The following CEP295 variants were observed in gnomAD, a reference collection of about 807,000 sequenced individuals.
CEP295 encodes centrosomal protein 295, also known as centrosomal protein of 295 kDa.
In CEP295, 190 loss-of-function variants were observed where a neutral mutation model predicts 291.6. The ratio of observed to expected loss-of-function variants is 0.65; its 90% confidence interval spans 0.58 to 0.73. The LOEUF (loss-of-function observed/expected upper bound fraction) is 0.73. CEP295 is among the 30% of genes least tolerant of loss of function. The pLI is 0.00. For synonymous variants in CEP295, 993 were observed against 1,038.8 expected (o/e 0.96, Z 0.85); for missense variants, 2,863 against 2,949.4 (o/e 0.97, Z 0.68).
chr11:93,666,914 C>G (rs545630047), intron 2 of CEP295, 99 bp downstream of exon 2: 1 of 679,598 alleles, frequency 1.5e-6, no homozygotes, highest in African/African-American at 1.8e-5. Context: ...TTAAAAACCT[C>G]TTCTGGGTAT....
At position 93,699,729 on chromosome 11, in the gene CEP295, A is replaced by G. The variant is rs1952036808; in HGVS notation, c.4817A>G (p.Gln1606Arg). ...ILPQQDNMTA[Q>R]LDAQREVMYS... ...CCTCAGCAAGATAATATGACAGCAC[A>G]ATTGGATGCACAAAGGGAAGTGATG... The change falls in exon 15 of 30, where the codon CAA becomes CGA. Residue 1606 changes from glutamine to arginine, a missense_variant. Gln to Arg is a conservative substitution (Grantham distance 43, BLOSUM62 1). This residue lies in a region of CEP295 where 2,295 missense variants were observed against 2,335.7 expected (regional missense o/e 0.98). Coordinates refer to ENST00000325212, the MANE Select transcript of CEP295 (RefSeq NM_033395.2). The G allele has an allele frequency of 6.4e-7, 1 of 1,551,754 alleles. No individual in the cohort carries two copies. The highest frequency in any genetic ancestry group is 2.0e-5 in the Admixed American group (1 of 50,984).
Position 93,725,799 on chromosome 11 carries a change from C to A in CEP295, c.6467C>A (p.Ala2156Asp), listed in dbSNP as rs549683706. The A allele has an allele frequency of 3.9e-6, 6 of 1,551,136 alleles. No individual in the cohort carries two copies. In the South Asian group the frequency reaches 7.2e-5, roughly 18 times the overall value. ...GACACTAACTTGGCTCATGTTGGAG[C>A]TCACAGTTTTGCTACAGAAAATATT... is the stretch of plus-strand genomic sequence containing the variant. ...QPDTNLAHVG[A>D]HSFATENIIG... The change falls in exon 23 of 30, where the codon GCT becomes GAT. Residue 2156 changes from alanine to aspartate, a missense_variant. Ala to Asp is a moderately radical substitution (Grantham distance 126). This residue lies in a region of CEP295 where 2,295 missense variants were observed against 2,335.7 expected (regional missense o/e 0.98). Transcript: ENST00000325212.
In CEP295 at chr11:93,699,055, T is replaced by G. The variant is rs921433236; in HGVS notation, c.4143T>G (p.Ser1381Arg). ...GGGAAGAATTACTTTTACATCAGAG[T>G]GAATGGGAGGGAAGAATATCTCCCG... ...EAREELLLHQ[S>R]EWEGRISPEQ... Residue 1381 changes from serine (S) to arginine (R), a missense_variant, in exon 15 of 30, where the codon AGT becomes AGG. Physicochemically the swap from Ser to Arg is moderately radical, Grantham distance 110. Coordinates refer to ENST00000325212, the MANE Select transcript of CEP295 (RefSeq NM_033395.2). The G allele has an allele frequency of 7.1e-6, 11 of 1,546,062 alleles. No homozygotes were observed. In the African/African-American group the frequency reaches 1.2e-4, roughly 17 times the overall value.
In CEP295 at chr11:93,730,308, AT is replaced by A. The variant is rs746851098; in HGVS notation, c.*40del. On this transcript the variant is annotated 3_prime_UTR_variant, in exon 30 of 30. Coordinates refer to ENST00000325212, the MANE Select transcript of CEP295 (RefSeq NM_033395.2). ...GTGTAAAGGTTTTTTAATTGTGTAT[AT>A]GTAGCATTAGACAAAATTATTTAAA... 5.1e-6 allele frequency: 7 copies of A among 1,360,462 alleles called. No homozygotes were observed. The East Asian group carries it at 1.5e-4, about 29-fold the overall frequency. 84.3% of individuals were successfully genotyped at this position (1,360,462 alleles called of 1,614,324 possible).
intron 22 of CEP295, among the ~76,000 whole-genome samples, chr11:93,724,942 T>C (rs112654459): frequency 7.9e-5 from 12 of 152,258 alleles, no homozygotes; most frequent in African/African-American, 2.4e-4. Flanking sequence ...GTGATTCTAA[T>C]GTGGAACCAA....
intron 22 of CEP295, 21 bp from the exon 23 acceptor site, chr11:93,725,630 T>C: frequency 6.6e-7 from 1 of 1,526,616 alleles, no homozygotes; most frequent in Non-Finnish European, 8.8e-7. Context: ...ATTTCAGCCT[T>C]TCCCTTTTGT....
chr11:93,693,754 A>AAAAAAAAG lies in CEP295; in HGVS notation c.1534-1721_1534-1714dup, dbSNP rs576663160. Among the ~76,000 whole-genome samples the AAAAAAAAG allele has an allele frequency of 9.9e-5, 15 of 152,148 alleles. No individual in the cohort carries two copies. In the East Asian group the frequency reaches 2.3e-3, roughly 23 times the overall value. ...GGGCGACAAGAGCGAAACTATCTCA[A>AAAAAAAAG]AAAAAAAGAAAAAAAGAAAAAAAGA... is the stretch of plus-strand genomic sequence containing the variant. On this transcript the variant is annotated intron_variant, in intron 12 of 29. Transcript: ENST00000325212.
intron 7 of CEP295, among the ~76,000 whole-genome samples, chr11:93,679,860 A>G (rs1488553364): frequency 6.6e-6 from 1 of 152,238 alleles, no homozygotes; most frequent in Non-Finnish European, 1.5e-5. Context: ...TCAATAGCAT[A>G]TGTGCTCTAT....
chr11:93,724,316 G>C lies in CEP295; in HGVS notation c.6259G>C (p.Asp2087His). 1 of 1,550,492 alleles carries C rather than the reference G, an allele frequency of 6.4e-7. No individual in the cohort carries two copies. Among genetic ancestry groups the C allele is most frequent in the Non-Finnish European group, 8.7e-7 (1 of 1,145,972 alleles). The change falls in exon 22 of 30, where the codon GAT (aspartate) becomes CAT (histidine). Residue 2087 changes from aspartate (D) to histidine (H), a missense_variant. By Grantham distance (81) the Asp-to-His change is moderately conservative. This residue lies in a region of CEP295 where 2,295 missense variants were observed against 2,335.7 expected (regional missense o/e 0.98). Transcript: ENST00000325212. Reference protein sequence around the residue: ...QLFKPLEPHPDFDLSSSSSGI... With the variant: ...QLFKPLEPHPHFDLSSSSSGI... The stretch of plus-strand genomic sequence containing the variant: ...GTTTAAACCCTTAGAACCACATCCA[G>C]ATTTTGACTTATCATCATCATCCTC...
intron 8 of CEP295, 97 bp downstream of exon 8, chr11:93,683,839 TTC>T: frequency 1.4e-6 from 2 of 1,433,478 alleles, no homozygotes; most frequent in Non-Finnish European, 9.4e-7. Flanking sequence ...TTGAAATGAG[TTC>T]TCTGTTTGAA....
At chr11:93,726,200 G>A (rs1954123298) in intron 23 of CEP295, among the ~76,000 whole-genome samples, 1 of 151,998 alleles carries the variant, frequency 6.6e-6, no homozygotes, top group African/African-American at 2.4e-5. Context: ...GTGCAATCTT[G>A]GCTCACTGCA....
chr11:93,677,570 T>C (rs1371775303), intron 6 of CEP295, among the ~76,000 whole-genome samples: 1 of 152,168 alleles, frequency 6.6e-6, no homozygotes, highest in Non-Finnish European at 1.5e-5. Flanking sequence ...CGCTTAAAAG[T>C]CCTACATTAC....
chr11:93,662,174 C>T (rs1950022190), intron 1 of CEP295, among the ~76,000 whole-genome samples: 1 of 152,236 alleles, frequency 6.6e-6, no homozygotes, highest in Non-Finnish European at 1.5e-5. Flanking sequence ...AAAGAGCACG[C>T]TCTCTTTTGG....
Position 93,668,848 on chromosome 11 carries a change from GGAAAA to G in CEP295, c.357_361del (p.Arg119SerfsTer6). 6.6e-7 allele frequency: 1 copy of G among 1,524,424 alleles called. No homozygotes were observed. The highest frequency in any genetic ancestry group is 8.8e-7 in the Non-Finnish European group (1 of 1,133,312). The allele number at this position is 1,524,424 out of a possible 1,614,324, so 94.4% of individuals were successfully genotyped here. Reference sequence around the variant, plus strand: ...GCTTTGGCACAGCGGGCAGCAGAAAGGAAAAGAAAAGCAGATTTGAGGCATAAAGA... The same window carrying G: ...GCTTTGGCACAGCGGGCAGCAGAAAGGAAAAGCAGATTTGAGGCATAAAGA... On this transcript the variant is annotated frameshift_variant, in exon 4 of 30. Coordinates refer to ENST00000325212, the MANE Select transcript of CEP295 (RefSeq NM_033395.2). LOFTEE classifies it high-confidence loss of function.
chr11:93,675,436 T>A, intron 5 of CEP295, 135 bp from the exon 6 acceptor site: 1 of 452,296 alleles, frequency 2.2e-6, no homozygotes, highest in Admixed American at 4.4e-5. Context: ...AAATTTGATT[T>A]CATTATGAGC....
chr11:93,670,595 C>G (rs1394497258), intron 5 of CEP295, among the ~76,000 whole-genome samples: 1 of 152,094 alleles, frequency 6.6e-6, no homozygotes, highest in Non-Finnish European at 1.5e-5. Flanking sequence ...ACCAGATACT[C>G]ACTTCTTAGG....
chr11:93,691,734 A>G lies in CEP295; in HGVS notation c.1388A>G (p.Asp463Gly). 6.5e-7 allele frequency: 1 copy of G among 1,547,548 alleles called. No individual in the cohort carries two copies. Among genetic ancestry groups the G allele is most frequent in the Non-Finnish European group, 8.7e-7 (1 of 1,145,526 alleles). Residue 463 changes from aspartate to glycine, a missense_variant, in exon 11 of 30, where the codon GAT (aspartate) becomes GGT (glycine). Transcript: ENST00000325212. Reference sequence around the variant, plus strand: ...GAGTCTGGACCACTTGCTAGTGAAGATAAACCACTTTCGTGTGGTACAAAC... The same window carrying G: ...GAGTCTGGACCACTTGCTAGTGAAGGTAAACCACTTTCGTGTGGTACAAAC... ...TIESGPLASE[D>G]KPLSCGTNSG...
At position 93,727,505 on chromosome 11, in the gene CEP295, A is replaced by T; in HGVS notation, c.7029A>T (p.Gln2343His). 6.4e-7 allele frequency: 1 copy of T among 1,551,868 alleles called. No homozygotes were observed. Among genetic ancestry groups the T allele is most frequent in the Non-Finnish European group, 8.7e-7 (1 of 1,147,004 alleles). Reference protein sequence around the residue: ...SIQAPYSLTTQNEKYFENSAE... With the variant: ...SIQAPYSLTTHNEKYFENSAE... ...AGGCACCATATTCCTTAACTACTCAAAATGAAAAATATTTTGAGAATTCAG... is the reference window on the plus strand; with the variant it reads ...AGGCACCATATTCCTTAACTACTCATAATGAAAAATATTTTGAGAATTCAG... Residue 2343 changes from glutamine (Q) to histidine (H), a missense_variant, in exon 24 of 30, where the codon CAA becomes CAT. Transcript: ENST00000325212.
Position 93,728,346 on chromosome 11 carries a change from A to G in CEP295, c.7162-335A>G, listed in dbSNP as rs550285780. On this transcript the variant is annotated intron_variant, in intron 24 of 29. Coordinates refer to ENST00000325212, the MANE Select transcript of CEP295 (RefSeq NM_033395.2). ...AGCCCAGTCGACCCCTGCTCCCTTT[A>G]AAGGATACAATTCGGCACAGCCAAC... 9.8e-5 allele frequency: 18 copies of G among 183,568 alleles called. No homozygotes were observed. In the South Asian group the frequency reaches 2.6e-3, roughly 27 times the overall value. The allele number at this position is 183,568 out of a possible 1,614,324, so 11.4% of individuals were successfully genotyped here.
Sources: gnomAD v4.1 joint callset for allele counts (sites outside exome capture counted in the v4.1 genomes callset) on GRCh38, gnomAD v4.1.1 for gene constraint, gnomAD v4.1.1 regional missense constraint, MANE v1.5 for transcripts, NCBI Gene and HGNC (gene_info 2026-07-23, HGNC 2026-07-21) for gene names.